SLC9A6: variants seen among roughly 807,000 people sequenced by gnomAD.
The protein encoded by SLC9A6 is sodium/hydrogen exchanger 6.
Under a neutral mutation model 45.3 loss-of-function variants are expected in SLC9A6, and 6 were observed. The observed-to-expected ratio is 0.13, with a 90% CI of 0.07 to 0.26. SLC9A6 has a LOEUF of 0.26. Among genes scored for constraint, SLC9A6 ranks in the 10% least tolerant of loss-of-function variants. SLC9A6 has a pLI of 1.00. For missense variants in SLC9A6, 278 were observed against 503.7 expected (o/e 0.55, Z 4.29); for synonymous variants, 191 against 187.7 (o/e 1.02, Z -0.14).
intron 2 of SLC9A6, among the ~76,000 whole-genome samples, chrX:135,990,111 G>A (rs922088683): frequency 6.3e-5 from 7 of 110,750 alleles, no homozygotes; most frequent in African/African-American, 9.9e-5. Context: ...TCAGCCTCCC[G>A]AGTAGCTGGG....
intron 2 of SLC9A6, among the ~76,000 whole-genome samples, chrX:135,993,604 A>G (rs1296235559): frequency 1.8e-5 from 2 of 111,143 alleles, no homozygotes; most frequent in Non-Finnish European, 3.8e-5. Context: ...GAGCCTGGCC[A>G]ACATGGTGAA....
chrX:135,989,114 T>C (rs955309826), intron 2 of SLC9A6, among the ~76,000 whole-genome samples: 17 of 111,597 alleles, frequency 1.5e-4, no homozygotes, highest in African/African-American at 4.9e-4. Flanking sequence ...GATATTGGGT[T>C]AGCTACGTAA....
Position 136,012,039 on chromosome X carries a change from G to A in SLC9A6, c.886-910G>A, listed in dbSNP as rs368035576. Among the ~76,000 whole-genome samples the A allele has an allele frequency of 9.9e-4, 111 of 112,690 alleles. 1 individual carries two copies. In the South Asian group the frequency reaches 0.013, roughly 13 times the overall value. On this transcript the variant is annotated intron_variant, in intron 8 of 17. Coordinates refer to ENST00000630721, the MANE Select transcript of SLC9A6 (RefSeq NM_001379110.1). Reference sequence around the variant, plus strand: ...CAGGAGGCGGAGCTTGCAGTGAGCCGAGATGGTGCCACTGCACTCCAGCCT... The same window carrying A: ...CAGGAGGCGGAGCTTGCAGTGAGCCAAGATGGTGCCACTGCACTCCAGCCT...
chrX:136,019,931 C>T (rs12007717), intron 11 of SLC9A6, among the ~76,000 whole-genome samples: 3,329 of 111,903 alleles, frequency 0.03, 42 homozygotes, highest in South Asian at 0.11. Flanking sequence ...TGACCCTTGA[C>T]AGTGTTGAGG....
intron 15 of SLC9A6, among the ~76,000 whole-genome samples, chrX:136,031,952 A>G (rs2071329382): frequency 8.9e-6 from 1 of 112,579 alleles, no homozygotes; most frequent in African/African-American, 3.2e-5. Context: ...ATAAGTTGAT[A>G]CATGACACGT....
chrX:135,979,417 G>A (rs1556613696), intron 1 of SLC9A6, among the ~76,000 whole-genome samples: 1 of 111,616 alleles, frequency 9.0e-6, no homozygotes, highest in Admixed American at 9.5e-5. Context: ...AAGTTCCTAA[G>A]TGCCTATGTT....
intron 2 of SLC9A6, among the ~76,000 whole-genome samples, chrX:135,991,153 C>G (rs2089423786): frequency 9.0e-6 from 1 of 111,645 alleles, no homozygotes; most frequent in East Asian, 2.8e-4. Flanking sequence ...TGTCATTATA[C>G]TACTGTTCAC....
intron 2 of SLC9A6, among the ~76,000 whole-genome samples, chrX:135,993,703 A>C (rs781829181): frequency 5.4e-5 from 6 of 110,809 alleles, no homozygotes; most frequent in Non-Finnish European, 1.1e-4. Context: ...AGGCAGGATA[A>C]TTGATTGGAC....
intron 1 of SLC9A6, among the ~76,000 whole-genome samples, chrX:135,979,759 CT>C (rs2148125437): frequency 8.9e-6 from 1 of 111,847 alleles, no homozygotes; most frequent in African/African-American, 3.2e-5. Context: ...TAGTACTTAC[CT>C]TTCCACATTT....
chrX:136,020,624 G>A (rs1556619829), intron 11 of SLC9A6, among the ~76,000 whole-genome samples: 1 of 111,980 alleles, frequency 8.9e-6, no homozygotes, highest in Admixed American at 9.5e-5. Flanking sequence ...GCGCCTCTCA[G>A]CCTCCCAAAG....
At chrX:135,989,414 C>T (rs376811697) in intron 2 of SLC9A6, among the ~76,000 whole-genome samples, 1 of 111,963 alleles carries the variant, frequency 8.9e-6, no homozygotes, top group East Asian at 2.8e-4. Flanking sequence ...CAAAATATGG[C>T]AGAAATATTT....
intron 3 of SLC9A6, 102 bp from the exon 4 acceptor site, chrX:135,998,006 T>C: frequency 1.9e-6 from 1 of 517,229 alleles, no homozygotes; most frequent in Admixed American, 2.8e-5. Flanking sequence ...TGTTCTTGCC[T>C]TTGACTAGTT....
Position 136,010,596 on chromosome X carries a change from T to A in SLC9A6, c.885+13T>A. Reference sequence around the variant, plus strand: ...GGTGACAGCTTTAATATCCTTTTGTTATATTTATCTTTTCTTGTTAACATA... The same window carrying A: ...GGTGACAGCTTTAATATCCTTTTGTAATATTTATCTTTTCTTGTTAACATA... On this transcript the variant is annotated intron_variant, in intron 8 of 17. Transcript: ENST00000630721. The A allele has an allele frequency of 8.3e-7, 1 of 1,198,420 alleles. No individual in the cohort carries two copies. Among genetic ancestry groups the A allele is most frequent in the Non-Finnish European group, 1.1e-6 (1 of 883,251 alleles).
At chrX:136,027,994 C>T (rs2071258213) in intron 13 of SLC9A6, among the ~76,000 whole-genome samples, 1 of 112,196 alleles carries the variant, frequency 8.9e-6, no homozygotes, top group African/African-American at 3.2e-5. Context: ...ATACTGTTCC[C>T]TCTGCCTGGA....
chrX:136,015,530 G>A (rs1179835886), intron 10 of SLC9A6, among the ~76,000 whole-genome samples: 1 of 111,346 alleles, frequency 9.0e-6, no homozygotes, highest in African/African-American at 3.3e-5. Context: ...TGAAAATGGA[G>A]ATAATAATAA....
intron 8 of SLC9A6, among the ~76,000 whole-genome samples, chrX:136,012,251 A>G (rs1289846699): frequency 3.5e-5 from 4 of 112,991 alleles, no homozygotes; most frequent in Non-Finnish European, 7.5e-5. Context: ...GAACTGAGGC[A>G]TAAAGCAGCA....
intron 3 of SLC9A6, among the ~76,000 whole-genome samples, chrX:135,997,159 TA>T (rs1265069200): frequency 9.1e-6 from 1 of 110,073 alleles, no homozygotes; most frequent in Non-Finnish European, 1.9e-5. Context: ...CAGGTTCAAG[TA>T]ATTCTCCTGT....
At position 136,013,451 on chromosome X, in the gene SLC9A6, T is replaced by C; in HGVS notation, c.1080+14T>C. On this transcript the variant is annotated intron_variant, in intron 10 of 17. Transcript: ENST00000630721. ...AGAACTAAACAGGTAAGAGGAACTTTATAGTTTGTGAATAGGCTTTTCCTT... is the reference window on the plus strand; with the variant it reads ...AGAACTAAACAGGTAAGAGGAACTTCATAGTTTGTGAATAGGCTTTTCCTT... The C allele has an allele frequency of 4.5e-6, 5 of 1,101,882 alleles. No homozygotes were observed. The highest frequency in any genetic ancestry group is 6.3e-6 in the Non-Finnish European group (5 of 796,625). 90.8% of individuals were successfully genotyped at this position (1,101,882 alleles called of 1,213,427 possible).
chrX:136,023,689 CAG>C (rs1249171508), intron 12 of SLC9A6, among the ~76,000 whole-genome samples: 7 of 110,351 alleles, frequency 6.3e-5, no homozygotes, highest in Admixed American at 5.8e-4. Context: ...AGAAATTTGA[CAG>C]GGGGAGGGAT....
Sources: allele counts gnomAD v4.1 joint callset (sites outside exome capture counted in the v4.1 genomes callset), GRCh38; gene constraint gnomAD v4.1.1; transcripts MANE v1.5; gene names NCBI Gene and HGNC (gene_info 2026-07-23, HGNC 2026-07-21).